ANO1: variants seen among roughly 807,000 people sequenced by gnomAD.
The protein encoded by ANO1 is anoctamin 1.
A neutral mutation model predicts 124.0 loss-of-function variants in ANO1; 59 were observed. That is an observed-to-expected ratio of 0.48 (90% CI 0.39 to 0.59). The LOEUF (loss-of-function observed/expected upper bound fraction) is 0.59. Among genes scored for constraint, ANO1 ranks in the 20% least tolerant of loss-of-function variants. ANO1 has a pLI of 0.00. For missense variants in ANO1, 1,059 were observed against 1,328.0 expected, an observed-to-expected ratio of 0.80 and a Z score of 3.15; for synonymous variants, 529 against 532.0, an observed-to-expected ratio of 0.99 and a Z score of 0.08.
chr11:70,010,169 G>GATATATA (rs1856569548), intron 1 of ANO1, among the ~76,000 whole-genome samples: 4 of 22,674 alleles, frequency 1.8e-4, no homozygotes, highest in African/African-American at 3.3e-4. Flanking sequence ...GTGTGTGCGC[G>GATATATA]TGTGTGTGTG....
intron 1 of ANO1, among the ~76,000 whole-genome samples, chr11:70,041,062 C>CA (rs2135056693): frequency 6.6e-6 from 1 of 152,290 alleles, no homozygotes; most frequent in Non-Finnish European, 1.5e-5. Context: ...CATTGCCCTC[C>CA]AGCCCTGAGA....
At chr11:70,185,109 G>C (rs990137078) in intron 24 of ANO1, among the ~76,000 whole-genome samples, 1 of 152,188 alleles carries the variant, frequency 6.6e-6, no homozygotes, top group Non-Finnish European at 1.5e-5. Flanking sequence ...AACCCATTCT[G>C]AAGTTCTGTG....
intron 1 of ANO1, among the ~76,000 whole-genome samples, chr11:69,989,158 T>C (rs922633994): frequency 6.6e-6 from 1 of 152,156 alleles, no homozygotes; most frequent in Non-Finnish European, 1.5e-5. Flanking sequence ...CCCCCATTTA[T>C]GTTGAGGAAA....
chr11:70,147,367 C>G (rs966118340), intron 11 of ANO1, among the ~76,000 whole-genome samples: 1 of 152,196 alleles, frequency 6.6e-6, no homozygotes, highest in Non-Finnish European at 1.5e-5. Context: ...CCACCGCAGA[C>G]AGGCTGCTCC....
intron 11 of ANO1, among the ~76,000 whole-genome samples, chr11:70,142,926 C>T (rs536294279): frequency 1.6e-4 from 25 of 152,292 alleles, no homozygotes; most frequent in African/African-American, 5.8e-4. Flanking sequence ...CAGCTAAACC[C>T]GATCAACCCC....
rs2048974943 is a variant in ANO1, at chr11:70,182,703, C to A, written c.2588+17C>A. On this transcript the variant is annotated intron_variant, in intron 24 of 25. Transcript: ENST00000355303. ...GATCTGCAGGTACTGCTCTCTGCTCCCCTCTTTGAAAAGCCACGTTTATTG... is the reference window on the plus strand; with the variant it reads ...GATCTGCAGGTACTGCTCTCTGCTCACCTCTTTGAAAAGCCACGTTTATTG... 6.7e-7 allele frequency: 1 copy of A among 1,503,014 alleles called. No individual in the cohort carries two copies. Among genetic ancestry groups the A allele is most frequent in the Non-Finnish European group, 8.9e-7 (1 of 1,124,776 alleles). The allele number at this position is 1,503,014 out of a possible 1,614,324, so 93.1% of individuals were successfully genotyped here. A position where few individuals can be genotyped will look rare whatever the true frequency, so the allele number is the denominator to read the frequency against.
intron 1 of ANO1, among the ~76,000 whole-genome samples, chr11:70,042,506 A>G (rs1199204175): frequency 1.7e-4 from 25 of 151,112 alleles, no homozygotes; most frequent in African/African-American, 6.2e-4. Context: ...ACACACATAC[A>G]TATACACAGA....
At chr11:70,085,983 C>A (rs2044361413) in intron 1 of ANO1, among the ~76,000 whole-genome samples, 1 of 152,260 alleles carries the variant, frequency 6.6e-6, no homozygotes, top group Non-Finnish European at 1.5e-5. Context: ...GCCAGCGAGG[C>A]CCAAGCACAG....
In ANO1 at chr11:70,044,802, C is replaced by G. The variant is rs561093144; in HGVS notation, c.59-33740C>G. Among the ~76,000 whole-genome samples, 17 of 152,174 alleles carry G rather than the reference C, an allele frequency of 1.1e-4. No homozygotes were observed. In the South Asian group the frequency reaches 3.3e-3, roughly 30 times the overall value. On this transcript the variant is annotated intron_variant, in intron 1 of 27. Coordinates refer to the ANO1 transcript ENST00000531349. ...TACGATGATAAAGGCTGAAACTGTT[C>G]CGGATTAACAGAGACTAAGAAGACA...
intron 1 of ANO1, among the ~76,000 whole-genome samples, chr11:70,004,867 C>A (rs549949612): frequency 1.1e-4 from 16 of 152,288 alleles, no homozygotes; most frequent in African/African-American, 3.9e-4. Context: ...AATCCCAACA[C>A]TTTGGGAGTC....
At chr11:70,060,846 A>G (rs1383574112) in intron 1 of ANO1, among the ~76,000 whole-genome samples, 1 of 152,164 alleles carries the variant, frequency 6.6e-6, no homozygotes, top group Non-Finnish European at 1.5e-5. Flanking sequence ...TGTGTAAGGA[A>G]AAAGGATGGG....
At chr11:70,182,467 TG>T in intron 23 of ANO1, 34 bp from the exon 24 acceptor site, 3 of 1,469,778 alleles carry the variant, frequency 2.0e-6, no homozygotes, top group Non-Finnish European at 2.7e-6. Context: ...GCGCCCAGGC[TG>T]GGGGTCCCCC....
At chr11:70,059,950 C>CTTT (rs36021561) in intron 1 of ANO1, among the ~76,000 whole-genome samples, 159 of 75,502 alleles carry the variant, frequency 2.1e-3, no homozygotes, top group African/African-American at 2.5e-3. Context: ...AGGCGTTGGC[C>CTTT]TTTTTTTTTT....
intron 10 of ANO1, 146 bp from the exon 11 acceptor site, chr11:70,131,773 G>A: frequency 1.1e-6 from 1 of 945,736 alleles, no homozygotes; most frequent in Admixed American, 2.5e-5. Flanking sequence ...TAAGCACCCG[G>A]CTTATGTCCA....
Position 70,088,056 on chromosome 11 carries a change from C to T in ANO1, c.413C>T (p.Ala138Val), listed in dbSNP as rs754539827. Residue 138 changes from alanine to valine, a missense_variant, in exon 2 of 26, where the codon GCG (alanine) becomes GTG (valine). By Grantham distance (64) the Ala-to-Val change is moderately conservative. Around this residue, in one of 2 missense-constraint regions of ANO1, gnomAD observed 250 missense variants for 233.1 expected, o/e 1.07. Coordinates refer to ENST00000355303, the MANE Select transcript of ANO1 (RefSeq NM_018043.7). ...REEYEGNLLE[A>V]GLELERDEDT... ...GAGTACGAGGGCAACCTCCTGGAGG[C>T]GGGCCTGGAGCTGGAGCGGGACGAG... 27 of 1,409,520 alleles carry T rather than the reference C, an allele frequency of 1.9e-5. No homozygotes were observed. Among genetic ancestry groups the T allele is most frequent in the Admixed American group, 1.6e-4 (5 of 30,946 alleles). 87.3% of individuals were successfully genotyped at this position (1,409,520 alleles called of 1,614,324 possible). A position where few individuals can be genotyped will look rare whatever the true frequency, so the allele number is the denominator to read the frequency against.
chr11:69,985,194 C>A (rs1856012934), upstream of ANO1, among the ~76,000 whole-genome samples: 1 of 152,234 alleles, frequency 6.6e-6, no homozygotes, highest in African/African-American at 2.4e-5. Flanking sequence ...TGCCTCGTCC[C>A]TGGATGCACC....
chr11:70,101,585 CAAAAAAA>C lies in ANO1; in HGVS notation c.442-1465_442-1459del, dbSNP rs71463659. ...AAAGAACAAAAAAATGATTAAAAAC[CAAAAAAA>C]AAAAAAAAAAAAAAACTCATCCCCA... On this transcript the variant is annotated intron_variant, in intron 2 of 25. Coordinates refer to ENST00000355303, the MANE Select transcript of ANO1 (RefSeq NM_018043.7). Among the ~76,000 whole-genome samples the C allele has an allele frequency of 4.5e-3, 343 of 75,908 alleles. 2 individuals carry two copies. The highest frequency in any genetic ancestry group is 0.018 in the African/African-American group (329 of 18,100). The allele number at this position is 75,908 out of a possible 152,430, so 49.8% of individuals were successfully genotyped here.
At chr11:70,183,897 A>G (rs2049016413) in intron 24 of ANO1, among the ~76,000 whole-genome samples, 1 of 152,196 alleles carries the variant, frequency 6.6e-6, no homozygotes, top group African/African-American at 2.4e-5. Context: ...TTGGTCAATA[A>G]ATGCTTGTGA....
rs2135884688 is a variant in ANO1, at chr11:70,189,523, A to G, written c.*1519A>G. On this transcript the variant is annotated 3_prime_UTR_variant, in exon 26 of 26. Coordinates refer to ENST00000355303, the MANE Select transcript of ANO1 (RefSeq NM_018043.7). Reference sequence around the variant, plus strand: ...GACATTCATCTAAATAAATTTGAATATACGACACTTTTCTCACTTGAATGC... The same window carrying G: ...GACATTCATCTAAATAAATTTGAATGTACGACACTTTTCTCACTTGAATGC... 1 of 152,654 alleles carries G rather than the reference A, an allele frequency of 6.6e-6. No homozygotes were observed. Among genetic ancestry groups the G allele is most frequent in the South Asian group, 2.1e-4 (1 of 4,832 alleles). 9.5% of individuals were successfully genotyped at this position (152,654 alleles called of 1,614,324 possible). A position where few individuals can be genotyped will look rare whatever the true frequency, so the allele number is the denominator to read the frequency against.
Sources: allele counts gnomAD v4.1 joint callset (sites outside exome capture counted in the v4.1 genomes callset), GRCh38; gene constraint gnomAD v4.1.1; regional missense constraint gnomAD v4.1.1; transcripts MANE v1.5; gene names NCBI Gene and HGNC (gene_info 2026-07-23, HGNC 2026-07-21).